Variants in DLG5 observed in about 807,000 individuals in gnomAD.
DLG5 encodes discs large MAGUK scaffold protein 5, also known as disks large homolog 5.
In DLG5, 48 loss-of-function variants were observed where a neutral mutation model predicts 189.8. That is an observed-to-expected ratio of 0.25 (90% CI 0.20 to 0.32). The LOEUF (loss-of-function observed/expected upper bound fraction) is 0.32. Ranked by LOEUF, DLG5 falls within the 10% of genes least tolerant of loss-of-function variation. DLG5 has a pLI of 1.00. For synonymous variants in DLG5, 1,016 were observed against 1,054.1 expected, an observed-to-expected ratio of 0.96 and a Z score of 0.70; for missense variants, 2,160 against 2,544.7, an observed-to-expected ratio of 0.85 and a Z score of 3.25.
At chr10:77,881,545 G>A (rs1006965621) in intron 1 of DLG5, among the ~76,000 whole-genome samples, 3 of 152,194 alleles carry the variant, frequency 2.0e-5, no homozygotes, top group South Asian at 2.1e-4. Flanking sequence ...TCCTCTGGCC[G>A]TGGATTTCTC....
At chr10:77,840,634 G>A (rs1400354993) in intron 7 of DLG5, among the ~76,000 whole-genome samples, 1 of 152,030 alleles carries the variant, frequency 6.6e-6, no homozygotes. Context: ...CACGAGAATT[G>A]CTTGAACCCA....
intron 5 of DLG5, among the ~76,000 whole-genome samples, chr10:77,846,192 C>A: frequency 6.6e-6 from 1 of 151,822 alleles, no homozygotes; most frequent in East Asian, 1.9e-4. Flanking sequence ...TGGCAGTGAG[C>A]CGAGATCACG....
intron 1 of DLG5, among the ~76,000 whole-genome samples, chr10:77,877,698 C>T (rs937387926): frequency 3.3e-5 from 5 of 152,118 alleles, no homozygotes; most frequent in South Asian, 2.1e-4. Flanking sequence ...CAGACTAAGA[C>T]AGTTCTGCAC....
upstream of DLG5, among the ~76,000 whole-genome samples, chr10:77,931,492 C>T (rs1050200704): frequency 2.6e-5 from 4 of 151,648 alleles, no homozygotes; most frequent in Non-Finnish European, 5.9e-5. Context: ...TCAAGCTATC[C>T]TCCTGCCTTG....
Position 77,876,685 on chromosome 10 carries a change from G to A in DLG5, c.305-7488C>T, listed in dbSNP as rs550041929. ...CCAATCCCATCTTTTTTTTCTAAGAGGAAGGAAGGAAGGAAGGAAGGAAGG... is the reference window on the plus strand; with the variant it reads ...CCAATCCCATCTTTTTTTTCTAAGAAGAAGGAAGGAAGGAAGGAAGGAAGG... On this transcript the variant is annotated intron_variant, in intron 1 of 31. Transcript: ENST00000372391. 3.1e-3 allele frequency among the ~76,000 whole-genome samples: 294 copies of A among 95,150 alleles called. 3 individuals are homozygous for A. The South Asian group carries it at 0.038, about 12-fold the overall frequency. The allele number at this position is 95,150 out of a possible 152,430, so 62.4% of individuals were successfully genotyped here.
chr10:77,912,346 G>T (rs1220294492), intron 1 of DLG5: 2 of 152,028 alleles, frequency 1.3e-5, no homozygotes, highest in South Asian at 4.1e-4. Flanking sequence ...CCACTGATCA[G>T]CATGAGAGTT....
chr10:77,839,329 C>T (rs1267963849), intron 7 of DLG5, among the ~76,000 whole-genome samples: 1 of 152,052 alleles, frequency 6.6e-6, no homozygotes, highest in African/African-American at 2.4e-5. Context: ...AGCGAAACCC[C>T]GTCTCTACTA....
At chr10:77,837,086 G>A (rs1044964764) in intron 7 of DLG5, among the ~76,000 whole-genome samples, 5 of 151,714 alleles carry the variant, frequency 3.3e-5, no homozygotes, top group African/African-American at 1.2e-4. Flanking sequence ...ATGGTGGCAT[G>A]TGCCTGTGGT....
rs147525379 is a variant in DLG5, at chr10:77,867,034, T to C, written c.373+2095A>G. 2,606 of 457,140 alleles carry C rather than the reference T, an allele frequency of 5.7e-3. 8 individuals are homozygous for C. The highest frequency in any genetic ancestry group is 9.0e-3 in the Non-Finnish European group (2,049 of 227,062). The allele number at this position is 457,140 out of a possible 1,614,324, so 28.3% of individuals were successfully genotyped here. ...AGAAACACATCAGAGCACTGCACTC[T>C]GCCTGCCTGTGATGCCCAGGAAGAG... On this transcript the variant is annotated intron_variant, in intron 2 of 31. Transcript: ENST00000372391.
rs558464884 is a variant in DLG5, at chr10:77,802,815, G to A, written c.5164+2850C>T. On this transcript the variant is annotated intron_variant, in intron 27 of 31. Transcript: ENST00000372391. ...CTCGGCAGGCTGAGGCAGGAAAATC[G>A]CTTGAACCTGGGAGGCAGAGGTTGC... Among the ~76,000 whole-genome samples the A allele has an allele frequency of 2.0e-5, 3 of 152,282 alleles. No homozygotes were observed. In the East Asian group the frequency reaches 5.8e-4, roughly 29 times the overall value.
intron 1 of DLG5, among the ~76,000 whole-genome samples, chr10:77,922,343 T>C (rs1468551614): frequency 6.6e-6 from 1 of 152,100 alleles, no homozygotes; most frequent in East Asian, 1.9e-4. Flanking sequence ...AACAAAGGAC[T>C]GCATGGGGCT....
chr10:77,829,292 C>T, intron 12 of DLG5, 63 bp downstream of exon 12: 6 of 1,607,392 alleles, frequency 3.7e-6, no homozygotes, highest in Non-Finnish European at 1.7e-6. Flanking sequence ...CACCCCCGGC[C>T]CCTGTCCACA....
At chr10:77,838,952 G>C (rs897585682) in intron 7 of DLG5, among the ~76,000 whole-genome samples, 5 of 152,370 alleles carry the variant, frequency 3.3e-5, no homozygotes, top group African/African-American at 9.6e-5. Context: ...TGCTGACTCG[G>C]AACAGGGCCT....
intron 13 of DLG5, among the ~76,000 whole-genome samples, chr10:77,827,911 C>A (rs1165902155): frequency 2.0e-5 from 3 of 151,976 alleles, no homozygotes; most frequent in African/African-American, 7.2e-5. Flanking sequence ...ATGGTTTGGG[C>A]TGAGTGCTTA....
At chr10:77,804,371 C>T (rs778098869) in intron 27 of DLG5, among the ~76,000 whole-genome samples, 5 of 152,216 alleles carry the variant, frequency 3.3e-5, no homozygotes, top group Admixed American at 6.5e-5. Flanking sequence ...AGTCCAGACT[C>T]GGTCCATGGC....
At chr10:77,840,256 T>C (rs1218686918) in intron 7 of DLG5, among the ~76,000 whole-genome samples, 2 of 151,816 alleles carry the variant, frequency 1.3e-5, no homozygotes, top group African/African-American at 4.8e-5. Context: ...TGCTCGCCTA[T>C]AGTCCCAGCT....
chr10:77,897,272 C>G (rs1322720317), intron 1 of DLG5, among the ~76,000 whole-genome samples: 1 of 152,078 alleles, frequency 6.6e-6, no homozygotes, highest in Non-Finnish European at 1.5e-5. Flanking sequence ...GGGAGAATAG[C>G]TTGAACCTGG....
chr10:77,794,021 G>T lies in DLG5; in HGVS notation c.5643C>A (p.Ser1881Arg), dbSNP rs536322905. The T allele has an allele frequency of 1.2e-6, 2 of 1,613,854 alleles. No individual in the cohort carries two copies. The highest frequency in any genetic ancestry group is 1.1e-5 in the South Asian group (1 of 91,078). ...ACGCACACCTACCTGTGAAGTACCT[G>T]CTGTACTCCTGCTCAAGCTTCTGCG... ...EAAQKLEQEY[S>R]RYFTGVIQGG... The change falls in exon 31 of 32, where the codon AGC becomes AGA. Residue 1881 changes from serine (S) to arginine (R), a missense_variant. By Grantham distance (110) the Ser-to-Arg change is moderately radical. Coordinates refer to ENST00000372391, the MANE Select transcript of DLG5 (RefSeq NM_004747.4).
chr10:77,856,993 C>T (rs1844268044), intron 2 of DLG5, 101 bp from the exon 3 acceptor site: 1 of 1,148,744 alleles, frequency 8.7e-7, no homozygotes, highest in Non-Finnish European at 1.2e-6. Flanking sequence ...ATTCGTGACC[C>T]AACAAGTGGG....
Sources: allele counts gnomAD v4.1 joint callset (sites outside exome capture counted in the v4.1 genomes callset), GRCh38; gene constraint gnomAD v4.1.1; transcripts MANE v1.5; gene names NCBI Gene and HGNC (gene_info 2026-07-23, HGNC 2026-07-21).